The following HDX variants were observed in gnomAD, a reference collection of about 807,000 sequenced individuals.
The protein encoded by HDX is highly divergent homeobox.
In HDX, 19 loss-of-function variants were observed where a neutral mutation model predicts 45.2. That is an observed-to-expected ratio of 0.42 (90% CI 0.29 to 0.62). The LOEUF (loss-of-function observed/expected upper bound fraction) is 0.62, where lower values mean the gene tolerates loss of function less well. Ranked by LOEUF, HDX falls within the 20% of genes least tolerant of loss-of-function variation. The pLI is 0.20. For missense variants in HDX, 532 were observed against 493.9 expected, an observed-to-expected ratio of 1.08 and a Z score of -0.73; for synonymous variants, 188 against 172.8, an observed-to-expected ratio of 1.09 and a Z score of -0.69.
rs182447427 is a variant in HDX at position 84,367,414 on chromosome X, T to A, written c.1306-5802A>T. ...TTACACTGGTGGTGGGAGTGTAAAT[T>A]AGTTCAACCATTGTGGAAGACAGTG... On this transcript the variant is annotated intron_variant, in intron 5 of 10. Coordinates refer to ENST00000373177, the MANE Select transcript of HDX (RefSeq NM_001177479.2). Among the ~76,000 whole-genome samples, 278 of 112,041 alleles carry A rather than the reference T, an allele frequency of 2.5e-3. 1 individual carries two copies. Among genetic ancestry groups the A allele is most frequent in the African/African-American group, 8.7e-3 (269 of 30,841 alleles).
chrX:84,436,799 T>C (rs2039646664), intron 5 of HDX, among the ~76,000 whole-genome samples: 1 of 102,331 alleles, frequency 9.8e-6, no homozygotes, highest in Admixed American at 1.1e-4. Context: ...TCTGCAGCCG[T>C]TGGATGAAAA....
In HDX at chrX:84,482,907, C is replaced by T. The variant is rs2040717884; in HGVS notation, c.-1+5117G>A. Among the ~76,000 whole-genome samples, 5 of 111,913 alleles carry T rather than the reference C, an allele frequency of 4.5e-5. No individual in the cohort carries two copies. In the South Asian group the frequency reaches 1.9e-3, roughly 42 times the overall value. On this transcript the variant is annotated intron_variant, in intron 2 of 10. Transcript: ENST00000373177. ...GGAGTGCAGGCATTGGGTAAATACA[C>T]CATTCTAAATGGGATAAATTGGCCA... is the stretch of plus-strand genomic sequence containing the variant.
chrX:84,496,564 C>T lies in HDX; in HGVS notation c.-110+5778G>A, dbSNP rs1299798684. 2.7e-5 allele frequency among the ~76,000 whole-genome samples: 3 copies of T among 110,568 alleles called. No homozygotes were observed. In the Admixed American group the frequency reaches 2.9e-4, roughly 11 times the overall value. ...CCTACCTGAGGCTCCATATCACAAA[C>T]AATACTGAATTCAAAATGTTTCTCT... On this transcript the variant is annotated intron_variant, in intron 1 of 10. Coordinates refer to ENST00000373177, the MANE Select transcript of HDX (RefSeq NM_001177479.2).
At chrX:84,385,489 A>C (rs1171177938) in intron 5 of HDX, among the ~76,000 whole-genome samples, 1 of 110,225 alleles carries the variant, frequency 9.1e-6, no homozygotes, top group African/African-American at 3.3e-5. Flanking sequence ...CTGGGACTAC[A>C]GGCGTGAGCC....
At chrX:84,473,148 T>C (rs1234380516) in intron 3 of HDX, among the ~76,000 whole-genome samples, 1 of 109,624 alleles carries the variant, frequency 9.1e-6, no homozygotes. Context: ...ATCTCCTTCT[T>C]TGTTTTCTTG....
At chrX:84,434,130 A>G in intron 5 of HDX, among the ~76,000 whole-genome samples, 1 of 111,578 alleles carries the variant, frequency 9.0e-6, no homozygotes, top group East Asian at 2.8e-4. Context: ...GTCTGTTAAA[A>G]AAGGATAATT....
intron 1 of HDX, among the ~76,000 whole-genome samples, chrX:84,498,821 GCACACACACACACA>G (rs202067754): frequency 0.098 from 9,235 of 94,533 alleles, 580 homozygotes; most frequent in African/African-American, 0.22. Context: ...TGGAATGTAT[GCACACACACACACA>G]CACACACACA....
rs182256342 is a variant in HDX, at chrX:84,435,403, G to A, written c.1305+5129C>T. Among the ~76,000 whole-genome samples, 38 of 110,574 alleles carry A rather than the reference G, an allele frequency of 3.4e-4. 1 individual carries two copies. In the East Asian group the frequency reaches 8.3e-3, roughly 24 times the overall value. ...CATGTCCTTTGCCCACTTTTTGATG[G>A]GGTTGTTTGTTTTTTTCTTGTAAAT... On this transcript the variant is annotated intron_variant, in intron 5 of 10. Coordinates refer to ENST00000373177, the MANE Select transcript of HDX (RefSeq NM_001177479.2).
intron 4 of HDX, among the ~76,000 whole-genome samples, chrX:84,449,615 C>T (rs976694213): frequency 7.2e-5 from 8 of 111,446 alleles, no homozygotes; most frequent in Admixed American, 5.7e-4. Context: ...CCCAGACAAA[C>T]AAAAGCTGCA....
intron 10 of HDX, among the ~76,000 whole-genome samples, chrX:84,324,843 A>G (rs1198129192): frequency 1.8e-5 from 2 of 110,686 alleles, no homozygotes; most frequent in Admixed American, 1.9e-4. Context: ...CTCTGCTTGT[A>G]CCTAATTTTG....
intron 6 of HDX, among the ~76,000 whole-genome samples, chrX:84,351,052 T>C (rs866155221): frequency 9.4e-6 from 1 of 106,926 alleles, no homozygotes; most frequent in Non-Finnish European, 1.9e-5. Context: ...TCTATCTATC[T>C]ATCATCTATC....
rs970841002 is a variant in HDX, at chrX:84,333,806, T to G, written c.1777A>C (p.Ile593Leu). 1.0e-6 allele frequency: 1 copy of G among 977,309 alleles called. No homozygotes were observed. The highest frequency in any genetic ancestry group is 1.9e-5 in the African/African-American group (1 of 53,187). 80.5% of individuals were successfully genotyped at this position (977,309 alleles called of 1,213,427 possible). A position where few individuals can be genotyped will look rare whatever the true frequency, so the allele number is the denominator to read the frequency against. ...ACTTGTTCTACTTCAGAATTACTTA[T>G]CATGTCACTTTCTTCATCATCAATA... The part of the protein sequence containing the change: ...EIIDDEESDM[I>L]SNSEVEQVNS... Residue 593 changes from isoleucine (I) to leucine (L), a missense_variant, in exon 9 of 11, where the codon ATA (isoleucine) becomes CTA (leucine). Transcript: ENST00000373177.
At chrX:84,451,486 A>G (rs1166272493) in intron 4 of HDX, among the ~76,000 whole-genome samples, 3 of 110,032 alleles carry the variant, frequency 2.7e-5, no homozygotes, top group Non-Finnish European at 5.7e-5. Context: ...GAAATAGAAA[A>G]CCTGAAGAGA....
chrX:84,395,164 G>A (rs929957097), intron 5 of HDX, among the ~76,000 whole-genome samples: 1 of 110,372 alleles, frequency 9.1e-6, no homozygotes, highest in African/African-American at 3.3e-5. Flanking sequence ...TGCTCTCCTA[G>A]TGGTTTTATA....
intron 9 of HDX, among the ~76,000 whole-genome samples, chrX:84,333,215 A>T (rs2036881662): frequency 9.0e-6 from 1 of 111,256 alleles, no homozygotes; most frequent in Non-Finnish European, 1.9e-5. Context: ...ATTTAATAAA[A>T]TAATATGTAT....
intron 1 of HDX, among the ~76,000 whole-genome samples, chrX:84,493,722 T>C (rs2040941572): frequency 8.9e-6 from 1 of 112,023 alleles, no homozygotes; most frequent in Non-Finnish European, 1.9e-5. Context: ...GTTCAAATAA[T>C]ATACACCTAA....
In HDX at chrX:84,468,811, C is replaced by T; in HGVS notation, c.912G>A (p.Glu304=). The T allele has an allele frequency of 2.5e-6, 3 of 1,211,387 alleles. No individual in the cohort carries two copies. In the South Asian group the frequency reaches 5.3e-5, roughly 21 times the overall value. The change falls in exon 4 of 11, where the codon GAG becomes GAA. Residue 304 remains glutamate, a synonymous_variant. Coordinates refer to ENST00000373177, the MANE Select transcript of HDX (RefSeq NM_001177479.2). ...LSIAMETGDA[E]DEYAREEELA... is the part of the protein sequence containing the mutation. ...GCTCTTCCTCTCTGGCATATTCATCCTCAGCATCTCCAGTCTCCATTGCAA... is the reference window on the plus strand; with the variant it reads ...GCTCTTCCTCTCTGGCATATTCATCTTCAGCATCTCCAGTCTCCATTGCAA...
At chrX:84,325,805 C>T (rs1263357713) in intron 10 of HDX, among the ~76,000 whole-genome samples, 1 of 111,536 alleles carries the variant, frequency 9.0e-6, no homozygotes, top group African/African-American at 3.3e-5. Flanking sequence ...AGAAGAGATG[C>T]AAAGAAATGC....
intron 4 of HDX, among the ~76,000 whole-genome samples, chrX:84,467,280 C>T (rs1215917914): frequency 9.0e-6 from 1 of 111,099 alleles, no homozygotes; most frequent in Admixed American, 9.6e-5. Context: ...TGGTTCAGAA[C>T]AGCCTGGAAG....
Sources: allele counts gnomAD v4.1 joint callset (sites outside exome capture counted in the v4.1 genomes callset), GRCh38; gene constraint gnomAD v4.1.1; transcripts MANE v1.5; gene names NCBI Gene and HGNC (gene_info 2026-07-23, HGNC 2026-07-21).